The following NAA40 variants were observed in gnomAD, a reference collection of about 807,000 sequenced individuals.
NAA40 encodes the protein N-alpha-acetyltransferase 40.
A neutral mutation model predicts 36.6 loss-of-function variants in NAA40; 26 were observed. That is an observed-to-expected ratio of 0.71 (90% confidence interval 0.52 to 0.98). NAA40 has a LOEUF of 0.98. Among genes scored for constraint, NAA40 ranks in the 50% least tolerant of loss-of-function variants. NAA40 has a pLI of 0.00. For synonymous variants in NAA40, 129 were observed against 108.4 expected (o/e 1.19, Z -1.18); for missense variants, 237 against 306.5 (o/e 0.77, Z 1.69).
intron 3 of NAA40, among the ~76,000 whole-genome samples, chr11:63,950,664 A>G (rs1197940491): frequency 1.3e-5 from 2 of 151,038 alleles, no homozygotes; most frequent in East Asian, 2.0e-4. Context: ...GGGTTTCACT[A>G]TGTTGGCCAG....
In NAA40 at chr11:63,939,111, G is replaced by C. The variant is rs745731291; in HGVS notation, c.6+9G>C. On this transcript the variant is annotated intron_variant, in intron 1 of 7. Transcript: ENST00000377793. ...TCGCCGCCGCTATGGGGGTGAGTGAGGCAGAGAGAGGAGATGGGAGGTCCA... is the reference window on the plus strand; with the variant it reads ...TCGCCGCCGCTATGGGGGTGAGTGACGCAGAGAGAGGAGATGGGAGGTCCA... 1.9e-6 allele frequency: 3 copies of C among 1,604,736 alleles called. No homozygotes were observed. The South Asian group carries it at 3.3e-5, about 18-fold the overall frequency.
At chr11:63,952,057 C>A in intron 3 of NAA40, 181 bp from the exon 4 acceptor site, 1 of 560,082 alleles carries the variant, frequency 1.8e-6, no homozygotes. Flanking sequence ...AGTTGTTAAT[C>A]TCAGCCTGAA....
intron 3 of NAA40, among the ~76,000 whole-genome samples, chr11:63,949,216 G>A (rs1942236213): frequency 6.6e-6 from 1 of 152,032 alleles, no homozygotes; most frequent in African/African-American, 2.4e-5. Context: ...ACCAAAAATG[G>A]TTCTAATAAT....
rs572767163 is a variant in NAA40 at position 63,956,030 on chromosome 11, C to G, written c.*1551C>G. 3 of 152,744 alleles carry G rather than the reference C, an allele frequency of 2.0e-5. No homozygotes were observed. Among genetic ancestry groups the G allele is most frequent in the African/African-American group, 7.2e-5 (3 of 41,456 alleles). 9.5% of individuals were successfully genotyped at this position (152,744 alleles called of 1,614,324 possible). On this transcript the variant is annotated 3_prime_UTR_variant, in exon 8 of 8. Transcript: ENST00000377793. ...CCCCAGAGTGGTCCTTGCTTCTCAC[C>G]TGGATTCCTGCTTGTGCAGGAGCCT...
At chr11:63,941,354 C>A (rs1446701937) in intron 1 of NAA40, among the ~76,000 whole-genome samples, 2 of 152,188 alleles carry the variant, frequency 1.3e-5, no homozygotes, top group African/African-American at 4.8e-5. Context: ...CTTCAGTTGC[C>A]ACACACGTGT....
At chr11:63,948,884 T>C (rs903053890) in intron 3 of NAA40, among the ~76,000 whole-genome samples, 2 of 151,548 alleles carry the variant, frequency 1.3e-5, no homozygotes, top group African/African-American at 2.4e-5. Flanking sequence ...ATTTTCTATT[T>C]AAAAATGGGC....
rs1278673521 is a variant in NAA40 at position 63,957,212 on chromosome 11, A to ATATATATATT, written c.*2734_*2735insATATATATTT. The ATATATATATT allele has an allele frequency of 4.5e-4, 29 of 64,314 alleles. No homozygotes were observed. The highest frequency in any genetic ancestry group is 1.2e-3 in the African/African-American group (28 of 23,976). 4.0% of individuals were successfully genotyped at this position (64,314 alleles called of 1,614,324 possible). On this transcript the variant is annotated 3_prime_UTR_variant, in exon 8 of 8. Coordinates refer to ENST00000377793, the MANE Select transcript of NAA40 (RefSeq NM_024771.4). ...CCTTGATATATATATATATATATAT[A>ATATATATATT]TTTTTTTTTTTCTTTAGCAGCTTGT...
At chr11:63,941,992 A>C (rs541927073) in intron 1 of NAA40, among the ~76,000 whole-genome samples, 5 of 152,234 alleles carry the variant, frequency 3.3e-5, no homozygotes, top group Non-Finnish European at 4.4e-5. Flanking sequence ...TTTATAACAA[A>C]AAATGCCATA....
chr11:63,943,602 C>G (rs1590750602), intron 1 of NAA40, among the ~76,000 whole-genome samples: 1 of 152,124 alleles, frequency 6.6e-6, no homozygotes, highest in African/African-American at 2.4e-5. Flanking sequence ...GTCACATTGT[C>G]TCTTCAAGGC....
At position 63,952,289 on chromosome 11, in the gene NAA40, C is replaced by G; in HGVS notation, c.207C>G (p.Thr69=). ...CKRVSGLEPA[T]VDWAFDLTKT... ...GAGTGTCTGGACTGGAGCCAGCCAC[C>G]GTGGATTGGGCCTTCGACCTGACCA... The change falls in exon 4 of 8, where the codon ACC becomes ACG. Residue 69 remains threonine, a synonymous_variant. Transcript: ENST00000377793. The G allele has an allele frequency of 1.2e-6, 2 of 1,613,798 alleles. No individual in the cohort carries two copies. Among genetic ancestry groups the G allele is most frequent in the Non-Finnish European group, 1.7e-6 (2 of 1,179,846 alleles).
At chr11:63,942,342 A>G (rs1942121673) in intron 1 of NAA40, among the ~76,000 whole-genome samples, 1 of 152,192 alleles carries the variant, frequency 6.6e-6, no homozygotes, top group Admixed American at 6.6e-5. Flanking sequence ...CCGGCAGAAG[A>G]TCTGAGGGAG....
At chr11:63,946,374 C>T (rs1280046962) in intron 2 of NAA40, 12 of 280,088 alleles carry the variant, frequency 4.3e-5, no homozygotes, top group Middle Eastern at 1.5e-3. Context: ...CCACCACACC[C>T]GGGTAATTTT....
At chr11:63,942,061 G>A (rs745937497) in intron 1 of NAA40, among the ~76,000 whole-genome samples, 6 of 152,202 alleles carry the variant, frequency 3.9e-5, no homozygotes, top group Non-Finnish European at 8.8e-5. Flanking sequence ...CGTGGATTTG[G>A]ATCTTGGATG....
chr11:63,955,116 C>T lies in NAA40; in HGVS notation c.*637C>T, dbSNP rs1474338759. The T allele has an allele frequency of 6.6e-6, 1 of 152,560 alleles. No individual in the cohort carries two copies. Among genetic ancestry groups the T allele is most frequent in the African/African-American group, 2.4e-5 (1 of 41,410 alleles). The allele number at this position is 152,560 out of a possible 1,614,324, so 9.5% of individuals were successfully genotyped here. A position where few individuals can be genotyped will look rare whatever the true frequency, so the allele number is the denominator to read the frequency against. On this transcript the variant is annotated 3_prime_UTR_variant, in exon 8 of 8. Transcript: ENST00000377793. ...GGACCAGCTGACTCTGGGAGGAAGACTGCCTCTCCATCGCTGTCAGAGAGC... is the reference window on the plus strand; with the variant it reads ...GGACCAGCTGACTCTGGGAGGAAGATTGCCTCTCCATCGCTGTCAGAGAGC...
At chr11:63,947,270 G>A (rs1003272011) in intron 3 of NAA40, among the ~76,000 whole-genome samples, 2 of 152,006 alleles carry the variant, frequency 1.3e-5, no homozygotes, top group African/African-American at 4.8e-5. Flanking sequence ...TAGCTGGCAC[G>A]GTGGCGATCG....
At chr11:63,953,600 A>G (rs761595394) in intron 6 of NAA40, among the ~76,000 whole-genome samples, 29 of 152,056 alleles carry the variant, frequency 1.9e-4, no homozygotes, top group Non-Finnish European at 3.7e-4. Context: ...CAGAAAGGAA[A>G]GGAAGCATGA....
chr11:63,939,403 C>T (rs560569746), intron 1 of NAA40: 15 of 1,184,084 alleles, frequency 1.3e-5, no homozygotes, highest in African/African-American at 6.4e-5. Context: ...CGCGGGGACC[C>T]TGGGGTTAGC....
chr11:63,952,472 C>T lies in NAA40; in HGVS notation c.317C>T (p.Ala106Val), dbSNP rs777751689. The T allele has an allele frequency of 3.2e-5, 51 of 1,614,058 alleles. 1 individual carries two copies. Among genetic ancestry groups the T allele is most frequent in the South Asian group, 1.1e-4 (10 of 91,090 alleles). ...EKREEMTDDR[A>V]WYLIAWENSS... Reference sequence around the variant, plus strand: ...CGGGAGGAAATGACAGATGACCGAGCCTGGTACCTCATCGCGTGGGAAAAC... The same window carrying T: ...CGGGAGGAAATGACAGATGACCGAGTCTGGTACCTCATCGCGTGGGAAAAC... Residue 106 changes from alanine (A) to valine (V), a missense_variant, in exon 5 of 8, where the codon GCC becomes GTC. Physicochemically the swap from Ala to Val is moderately conservative, Grantham distance 64. Coordinates refer to ENST00000377793, the MANE Select transcript of NAA40 (RefSeq NM_024771.4).
chr11:63,954,612 C>T lies in NAA40; in HGVS notation c.*133C>T. On this transcript the variant is annotated 3_prime_UTR_variant, in exon 8 of 8. Coordinates refer to ENST00000377793, the MANE Select transcript of NAA40 (RefSeq NM_024771.4). ...CACGTGCCAGGCTGCGCCCTGAGAG[C>T]ACAGAACCCTGGGGAGAAGTGGTAT... 1 of 1,009,404 alleles carries T rather than the reference C, an allele frequency of 9.9e-7. No individual in the cohort carries two copies. Among genetic ancestry groups the T allele is most frequent in the Non-Finnish European group, 1.4e-6 (1 of 729,402 alleles). 62.5% of individuals were successfully genotyped at this position (1,009,404 alleles called of 1,614,324 possible).
Sources: gnomAD v4.1 joint callset for allele counts (sites outside exome capture counted in the v4.1 genomes callset) on GRCh38, gnomAD v4.1.1 for gene constraint, MANE v1.5 for transcripts, NCBI Gene and HGNC (gene_info 2026-07-23, HGNC 2026-07-21) for gene names.